Variants in PITRM1 observed in about 807,000 individuals in gnomAD.
PITRM1 encodes the protein presequence protease, mitochondrial.
A neutral mutation model predicts 129.9 loss-of-function variants in PITRM1; 100 were observed. The ratio of observed to expected loss-of-function variants is 0.77; its 90% CI spans 0.65 to 0.91. The LOEUF is 0.91. Ranked by LOEUF, PITRM1 falls within the 40% of genes least tolerant of loss-of-function variation. The probability of loss-of-function intolerance (pLI) is 0.00; values close to 1 mark genes in which losing one functional copy is unlikely to be tolerated. For missense variants in PITRM1, 1,471 were observed against 1,318.3 expected (o/e 1.12, Z -1.79); for synonymous variants, 591 against 508.8 (o/e 1.16, Z -2.17).
chr10:3,149,511 C>T (rs1841281004), intron 16 of PITRM1, 110 bp downstream of exon 16: 4 of 1,107,864 alleles, frequency 3.6e-6, no homozygotes, highest in Admixed American at 2.6e-5. Context: ...TACACACTAA[C>T]ATTGTAAGTT....
At chr10:3,139,466 C>T (rs1839962017) in intron 24 of PITRM1, among the ~76,000 whole-genome samples, 1 of 152,152 alleles carries the variant, frequency 6.6e-6, no homozygotes, top group Admixed American at 6.5e-5. Flanking sequence ...AGGAATCAGC[C>T]TGAGGGGGCC....
chr10:3,148,204 G>A lies in PITRM1; in HGVS notation c.1959C>T (p.Leu653=). The A allele has an allele frequency of 1.2e-6, 2 of 1,614,034 alleles. No homozygotes were observed. The change falls in exon 17 of 27, where the codon CTC becomes CTT. Residue 653 remains leucine, a synonymous_variant. Coordinates refer to ENST00000224949, the MANE Select transcript of PITRM1 (RefSeq NM_014889.4). Reference sequence around the variant, plus strand: ...AGGTGTCCATGTGTGAGTCGTCGGGGAGCACGTGGGGAGAAGCACTCATCC... The same window carrying A: ...AGGTGTCCATGTGTGAGTCGTCGGGAAGCACGTGGGGAGAAGCACTCATCC... ...TGGMSASPHV[L]PDDSHMDTYE...
chr10:3,166,411 G>C, intron 3 of PITRM1, 31 bp from the exon 4 acceptor site: 3 of 1,472,694 alleles, frequency 2.0e-6, no homozygotes, highest in South Asian at 1.2e-5. Context: ...GAACGCAAAA[G>C]GTTCAGCTTA....
intron 2 of PITRM1, among the ~76,000 whole-genome samples, chr10:3,167,568 A>G (rs553734370): frequency 1.3e-5 from 2 of 151,808 alleles, no homozygotes; most frequent in East Asian, 3.9e-4. Flanking sequence ...GCCCTTTCCA[A>G]TGTCTGCTGA....
intron 14 of PITRM1, among the ~76,000 whole-genome samples, chr10:3,153,841 CTTT>C (rs1181818208): frequency 6.6e-6 from 1 of 152,148 alleles, no homozygotes; most frequent in Non-Finnish European, 1.5e-5. Context: ...GCCCAATTAG[CTTT>C]TTTAATAGGA....
intron 1 of PITRM1, 57 bp downstream of exon 1, chr10:3,172,660 T>A (rs1843489084): frequency 6.7e-7 from 1 of 1,492,080 alleles, no homozygotes; most frequent in South Asian, 1.3e-5. Flanking sequence ...CGGCCTGCCC[T>A]GGACCCTCCC....
chr10:3,147,638 G>A lies in PITRM1; in HGVS notation c.2169C>T (p.Ser723=), dbSNP rs1332237842. ...GCGTGAGGGTCCGGCCTGCCCTGAT[G>A]GATGCGTACAGGTGCCCAGAGTCAG... is the stretch of plus-strand genomic sequence containing the variant. ...GIPDSGHLYA[S]IRAGRTLTPA... The change falls in exon 19 of 27, where the codon TCC becomes TCT. Residue 723 remains serine (S), a synonymous_variant. Coordinates refer to ENST00000224949, the MANE Select transcript of PITRM1 (RefSeq NM_014889.4). The A allele has an allele frequency of 8.7e-6, 14 of 1,613,916 alleles. No homozygotes were observed. In the Admixed American group the frequency reaches 2.3e-4, roughly 27 times the overall value.
chr10:3,149,824 C>T (rs879365370), intron 15 of PITRM1, 71 bp from the exon 16 acceptor site: 2 of 1,494,908 alleles, frequency 1.3e-6, no homozygotes, highest in Non-Finnish European at 1.9e-6. Flanking sequence ...TATTTAAAAA[C>T]AATGCTATTT....
intron 10 of PITRM1, among the ~76,000 whole-genome samples, chr10:3,158,489 G>C (rs527846712): frequency 6.6e-6 from 1 of 152,128 alleles, no homozygotes; most frequent in Non-Finnish European, 1.5e-5. Context: ...GGTGGAGCTT[G>C]CAGTGAGCCG....
Position 3,153,887 on chromosome 10 carries a change from A to G in PITRM1, c.1621+1704T>C, listed in dbSNP as rs746776230. Reference sequence around the variant, plus strand: ...GTGCATGTGTGTATGTGTTGCATCTATTTTTAAAAGACTTAATACATAACT... The same window carrying G: ...GTGCATGTGTGTATGTGTTGCATCTGTTTTTAAAAGACTTAATACATAACT... On this transcript the variant is annotated intron_variant, in intron 14 of 26. Transcript: ENST00000224949. Among the ~76,000 whole-genome samples the G allele has an allele frequency of 7.6e-4, 116 of 152,332 alleles. 1 individual carries two copies. Among genetic ancestry groups the G allele is most frequent in the Middle Eastern group, 6.8e-3 (2 of 294 alleles).
At position 3,148,223 on chromosome 10, in the gene PITRM1, C is replaced by T; in HGVS notation, c.1940G>A (p.Ser647Asn). 6.2e-7 allele frequency: 1 copy of T among 1,614,014 alleles called. No individual in the cohort carries two copies. The highest frequency in any genetic ancestry group is 8.5e-7 in the Non-Finnish European group (1 of 1,179,886). Residue 647 changes from serine to asparagine, a missense_variant, in exon 17 of 27, where the codon AGT becomes AAT. Ser to Asn is a conservative substitution (Grantham distance 46). Transcript: ENST00000224949. ...QQIELKTGGM[S>N]ASPHVLPDDS... ...GTCGGGGAGCACGTGGGGAGAAGCACTCATCCCTCCGGTCTTCAATTCTAT... is the reference window on the plus strand; with the variant it reads ...GTCGGGGAGCACGTGGGGAGAAGCATTCATCCCTCCGGTCTTCAATTCTAT...
chr10:3,142,394 T>TC (rs896375131), intron 23 of PITRM1, among the ~76,000 whole-genome samples: 132 of 152,198 alleles, frequency 8.7e-4, no homozygotes, highest in African/African-American at 2.6e-3. Flanking sequence ...AAGCCTGCCT[T>TC]CCCCCTCTCT....
At chr10:3,172,152 C>G in intron 1 of PITRM1, 1 of 455,678 alleles carries the variant, frequency 2.2e-6, no homozygotes, top group Non-Finnish European at 4.4e-6. Context: ...CCGTGCCTCC[C>G]GGCCTGGGCC....
At chr10:3,166,908 G>A in intron 3 of PITRM1, 28 bp downstream of exon 3, 2 of 1,300,734 alleles carry the variant, frequency 1.5e-6, no homozygotes, top group Middle Eastern at 1.8e-4. Flanking sequence ...AAACATTCAA[G>A]ACCATGTTCT....
At position 3,147,627 on chromosome 10, in the gene PITRM1, C is replaced by T. The variant is rs1314631361; in HGVS notation, c.2180G>A (p.Gly727Asp). Residue 727 changes from glycine (G) to aspartate (D), a missense_variant, in exon 19 of 27, where the codon GGC becomes GAC. Coordinates refer to ENST00000224949, the MANE Select transcript of PITRM1 (RefSeq NM_014889.4). ...SGHLYASIRA[G>D]RTLTPAGDLQ... Reference sequence around the variant, plus strand: ...GTCCCCTGCGGGCGTGAGGGTCCGGCCTGCCCTGATGGATGCGTACAGGTG... The same window carrying T: ...GTCCCCTGCGGGCGTGAGGGTCCGGTCTGCCCTGATGGATGCGTACAGGTG... 1 of 1,613,936 alleles carries T rather than the reference C, an allele frequency of 6.2e-7. No homozygotes were observed. The highest frequency in any genetic ancestry group is 8.5e-7 in the Non-Finnish European group (1 of 1,179,908).
chr10:3,147,451 T>C (rs1841008956), intron 19 of PITRM1, 121 bp downstream of exon 19: 1 of 1,196,732 alleles, frequency 8.4e-7, no homozygotes, highest in Non-Finnish European at 1.2e-6. Context: ...TTCTTCCCCA[T>C]ATTTAGTCAG....
At chr10:3,144,144 G>A in intron 22 of PITRM1, 148 bp downstream of exon 22, 1 of 614,778 alleles carries the variant, frequency 1.6e-6, no homozygotes, top group Non-Finnish European at 2.9e-6. Context: ...CAGGGTGGCA[G>A]TGACAAAGGA....
At chr10:3,165,731 G>T (rs116624818) in intron 4 of PITRM1, among the ~76,000 whole-genome samples, 2,824 of 152,268 alleles carry the variant, frequency 0.019, 97 homozygotes, top group African/African-American at 0.065. Flanking sequence ...TCCCGTCTCA[G>T]GATCTGCACT....
chr10:3,146,024 C>T (rs182584777), intron 20 of PITRM1: 2 of 305,042 alleles, frequency 6.6e-6, no homozygotes, highest in Non-Finnish European at 6.2e-6. Flanking sequence ...GCTAACCGTG[C>T]CTTCGGAATT....
Sources: allele counts gnomAD v4.1 joint callset (sites outside exome capture counted in the v4.1 genomes callset), GRCh38; gene constraint gnomAD v4.1.1; transcripts MANE v1.5; gene names NCBI Gene and HGNC (gene_info 2026-07-23, HGNC 2026-07-21).